The following RBMS3 variants were observed in gnomAD, a reference collection of about 807,000 sequenced individuals.
The protein encoded by RBMS3 is RNA-binding motif, single-stranded-interacting protein 3.
In RBMS3, 27 loss-of-function variants were observed where a neutral mutation model predicts 66.8. That is an observed-to-expected ratio of 0.40 (90% CI 0.30 to 0.56). The LOEUF is 0.56. Ranked by LOEUF, RBMS3 falls within the 20% of genes least tolerant of loss-of-function variation. RBMS3 has a pLI of 0.40. For missense variants in RBMS3, 513 were observed against 549.5 expected (o/e 0.93, Z 0.66); for synonymous variants, 188 against 183.0 (o/e 1.03, Z -0.22).
intron 3 of RBMS3, chr3:29,537,598 G>T (rs899948620): frequency 6.6e-6 from 1 of 152,178 alleles, no homozygotes; most frequent in Non-Finnish European, 1.5e-5. Context: ...GCCGAGGGGG[G>T]TGGATCACAA....
At chr3:29,422,595 A>G (rs2040798167) in intron 1 of RBMS3, among the ~76,000 whole-genome samples, 1 of 152,046 alleles carries the variant, frequency 6.6e-6, no homozygotes, top group Non-Finnish European at 1.5e-5. Flanking sequence ...TAAGTTTCTT[A>G]TTATAAAAAT....
intron 6 of RBMS3, among the ~76,000 whole-genome samples, chr3:29,785,231 C>T (rs2056778600): frequency 6.6e-6 from 1 of 152,002 alleles, no homozygotes; most frequent in African/African-American, 2.4e-5. Context: ...AACTACAGAC[C>T]AGTATTCTTG....
rs1046857784 is a variant in RBMS3, at chr3:29,361,313, G to A, written c.76-73430G>A. Among the ~76,000 whole-genome samples the A allele has an allele frequency of 5.7e-4, 86 of 151,512 alleles. 1 individual carries two copies. Among genetic ancestry groups the A allele is most frequent in the African/African-American group, 2.1e-3 (84 of 40,838 alleles). ...ATTTCTCCTTCACTTATGAAGCTTA[G>A]TTTGGCTGGATATGAAATTCTGGGT... On this transcript the variant is annotated intron_variant, in intron 1 of 14. Coordinates refer to ENST00000383767, the MANE Select transcript of RBMS3 (RefSeq NM_001003793.3).
rs151054081 is a variant in RBMS3 at position 29,446,006 on chromosome 3, C to T, written c.248+11091C>T. Among the ~76,000 whole-genome samples the T allele has an allele frequency of 2.6e-4, 40 of 152,144 alleles. 1 individual carries two copies. The highest frequency in any genetic ancestry group is 7.7e-4 in the African/African-American group (32 of 41,508). ...GAAAATGCATGTACCTATGTAGCCA[C>T]GACAACAATCAAGATATAAAACATT... is the stretch of plus-strand genomic sequence containing the variant. On this transcript the variant is annotated intron_variant, in intron 2 of 14. Transcript: ENST00000383767.
intron 1 of RBMS3, among the ~76,000 whole-genome samples, chr3:29,373,561 G>C (rs942385462): frequency 6.6e-6 from 1 of 152,168 alleles, no homozygotes. Context: ...AAATGATAAT[G>C]ATCAGTTTCT....
At chr3:29,811,289 G>C (rs954885272) in intron 6 of RBMS3, among the ~76,000 whole-genome samples, 5 of 152,076 alleles carry the variant, frequency 3.3e-5, no homozygotes, top group Non-Finnish European at 5.9e-5. Flanking sequence ...GTCATCTCCA[G>C]ATCCACCTGT....
At chr3:29,627,798 G>C (rs1323291000) in intron 4 of RBMS3, among the ~76,000 whole-genome samples, 1 of 152,138 alleles carries the variant, frequency 6.6e-6, no homozygotes, top group Non-Finnish European at 1.5e-5. Context: ...GGGAGAGAAG[G>C]AGGAAGAGAG....
At chr3:29,466,061 C>A (rs1311738711) in intron 2 of RBMS3, among the ~76,000 whole-genome samples, 1 of 151,866 alleles carries the variant, frequency 6.6e-6, no homozygotes, top group Non-Finnish European at 1.5e-5. Flanking sequence ...AGCTGTTTCT[C>A]TGTGGTCATT....
intron 3 of RBMS3, among the ~76,000 whole-genome samples, chr3:29,490,672 G>T (rs183450436): frequency 1.3e-5 from 2 of 152,240 alleles, no homozygotes; most frequent in African/African-American, 4.8e-5. Context: ...GATTACCAAA[G>T]AATAATGTGT....
At position 29,281,765 on chromosome 3, in the gene RBMS3, T is replaced by G; in HGVS notation, c.75+9T>G. The G allele has an allele frequency of 1.2e-6, 2 of 1,606,630 alleles. No homozygotes were observed. Among genetic ancestry groups the G allele is most frequent in the Non-Finnish European group, 1.7e-6 (2 of 1,173,796 alleles). On this transcript the variant is annotated intron_variant, in intron 1 of 14. Coordinates refer to ENST00000383767, the MANE Select transcript of RBMS3 (RefSeq NM_001003793.3). Reference sequence around the variant, plus strand: ...ATTATCTCCAAACCAAGGTATGGCTTGACCCACGGTCTGGCGATCAGCGTG... The same window carrying G: ...ATTATCTCCAAACCAAGGTATGGCTGGACCCACGGTCTGGCGATCAGCGTG...
intron 5 of RBMS3, among the ~76,000 whole-genome samples, chr3:29,748,555 A>C (rs1395504349): frequency 6.6e-6 from 1 of 152,196 alleles, no homozygotes; most frequent in East Asian, 1.9e-4. Flanking sequence ...TTTGTATCAC[A>C]GATTCCAAGA....
intron 2 of RBMS3, among the ~76,000 whole-genome samples, chr3:29,460,502 A>T (rs1284104047): frequency 6.6e-6 from 1 of 152,172 alleles, no homozygotes; most frequent in African/African-American, 2.4e-5. Flanking sequence ...ATCTGGGGTG[A>T]GGTCTATGAA....
intron 3 of RBMS3, among the ~76,000 whole-genome samples, chr3:29,490,366 G>A (rs2043496550): frequency 6.6e-6 from 1 of 152,024 alleles, no homozygotes; most frequent in Non-Finnish European, 1.5e-5. Flanking sequence ...AGGGTAATAG[G>A]AAGGGGTTCA....
intron 3 of RBMS3, among the ~76,000 whole-genome samples, chr3:29,504,064 C>T (rs1384338539): frequency 6.6e-6 from 1 of 152,132 alleles, no homozygotes; most frequent in Non-Finnish European, 1.5e-5. Flanking sequence ...TAACTGCACA[C>T]ATGTGGAAAC....
intron 3 of RBMS3, among the ~76,000 whole-genome samples, chr3:29,517,271 ATGTG>A (rs58702096): frequency 0.33 from 42,531 of 129,384 alleles, 6,875 homozygotes; most frequent in Middle Eastern, 0.41. Flanking sequence ...GATTTCATAT[ATGTG>A]TGTGTGTGTG....
At chr3:29,434,018 C>A (rs1451729478) in intron 1 of RBMS3, among the ~76,000 whole-genome samples, 1 of 152,242 alleles carries the variant, frequency 6.6e-6, no homozygotes, top group Admixed American at 6.5e-5. Flanking sequence ...CTACAGTGAA[C>A]AAGGACAGTG....
chr3:29,764,657 A>T (rs2055848192), intron 6 of RBMS3, among the ~76,000 whole-genome samples: 1 of 152,070 alleles, frequency 6.6e-6, no homozygotes. Context: ...AAAAAGACGT[A>T]TTGAAAGCCT....
intron 5 of RBMS3, among the ~76,000 whole-genome samples, chr3:29,753,569 CCA>C (rs1314407911): frequency 2.0e-5 from 3 of 152,212 alleles, no homozygotes; most frequent in Non-Finnish European, 2.9e-5. Flanking sequence ...GCTTCAGAAA[CCA>C]CAGTTTTTGC....
intron 3 of RBMS3, among the ~76,000 whole-genome samples, chr3:29,576,188 C>T (rs1248596981): frequency 2.6e-5 from 4 of 152,128 alleles, no homozygotes; most frequent in African/African-American, 9.7e-5. Flanking sequence ...AGGCCCTCAG[C>T]CCAATATTTC....
Sources: gnomAD v4.1 joint callset for allele counts (sites outside exome capture counted in the v4.1 genomes callset) on GRCh38, gnomAD v4.1.1 for gene constraint, MANE v1.5 for transcripts, NCBI Gene and HGNC (gene_info 2026-07-23, HGNC 2026-07-21) for gene names.